SPATA13: variants seen among roughly 807,000 people sequenced by gnomAD.
SPATA13 encodes the protein spermatogenesis associated 13.
Under a neutral mutation model 104.0 loss-of-function variants are expected in SPATA13, and 50 were observed. The observed-to-expected ratio is 0.48, with a 90% CI of 0.38 to 0.61. The LOEUF is 0.61. Among genes scored for constraint, SPATA13 ranks in the 20% least tolerant of loss-of-function variants. SPATA13 has a pLI of 0.00. For missense variants in SPATA13, 1,524 were observed against 1,690.6 expected, an observed-to-expected ratio of 0.90 and a Z score of 1.73; for synonymous variants, 606 against 667.5, an observed-to-expected ratio of 0.91 and a Z score of 1.42.
chr13:24,163,728 T>C (rs1882606273), intron 1 of SPATA13, among the ~76,000 whole-genome samples: 1 of 152,224 alleles, frequency 6.6e-6, no homozygotes, highest in African/African-American at 2.4e-5. Flanking sequence ...TAAAATGGCA[T>C]ATTCAAGGGA....
intron 1 of SPATA13, among the ~76,000 whole-genome samples, chr13:24,176,977 TAA>T: frequency 6.6e-6 from 1 of 152,228 alleles, no homozygotes; most frequent in South Asian, 2.1e-4. Context: ...TTGGCCAGGC[TAA>T]GTCTCAAACT....
At chr13:24,030,070 A>ACGCG (rs1566078628) in intron 3 of SPATA13, among the ~76,000 whole-genome samples, 45 of 84,800 alleles carry the variant, frequency 5.3e-4, no homozygotes, top group African/African-American at 1.7e-3. Flanking sequence ...ACACACGCAC[A>ACGCG]CACACACACA....
intron 3 of SPATA13, among the ~76,000 whole-genome samples, chr13:24,052,791 A>G (rs1179607476): frequency 1.4e-4 from 5 of 36,360 alleles, no homozygotes; most frequent in Admixed American, 7.1e-4. Context: ...GGCAGCCAGC[A>G]GCTCAGGGGC....
intron 2 of SPATA13, among the ~76,000 whole-genome samples, chr13:24,002,955 A>T (rs1266608997): frequency 6.6e-6 from 1 of 151,228 alleles, no homozygotes; most frequent in Non-Finnish European, 1.5e-5. Flanking sequence ...CTTTTTCTGA[A>T]TGTGGGGGGT....
intron 3 of SPATA13, among the ~76,000 whole-genome samples, chr13:24,132,709 C>T (rs1231286638): frequency 6.6e-6 from 1 of 152,124 alleles, no homozygotes; most frequent in Non-Finnish European, 1.5e-5. Flanking sequence ...CATGGTGGCT[C>T]ACATCTGTAA....
At chr13:24,237,423 T>C (rs1251171155) in intron 2 of SPATA13, among the ~76,000 whole-genome samples, 1 of 152,180 alleles carries the variant, frequency 6.6e-6, no homozygotes, top group Non-Finnish European at 1.5e-5. Flanking sequence ...GACATTGTGC[T>C]AAGTGAAATC....
rs560648257 is a variant in SPATA13, at chr13:24,093,123, C to G, written c.-112+75422C>G. ...AATAAACAATCCATCCATTTTCCAC[C>G]TGACCCTAATAAACAGGCCCTATAT... On this transcript the variant is annotated intron_variant, in intron 3 of 14. Coordinates refer to the SPATA13 transcript ENST00000424834. Among the ~76,000 whole-genome samples, 3 of 152,324 alleles carry G rather than the reference C, an allele frequency of 2.0e-5. No homozygotes were observed. In the East Asian group the frequency reaches 5.8e-4, roughly 29 times the overall value.
intron 4 of SPATA13, among the ~76,000 whole-genome samples, chr13:24,282,526 G>A (rs1875619389): frequency 6.6e-6 from 1 of 152,188 alleles, no homozygotes; most frequent in Admixed American, 6.5e-5. Context: ...CTCTGTTGCT[G>A]CAGGCATGAG....
chr13:24,091,572 G>T (rs979621627), intron 3 of SPATA13, among the ~76,000 whole-genome samples: 1 of 152,220 alleles, frequency 6.6e-6, no homozygotes, highest in African/African-American at 2.4e-5. Context: ...CCCTTTGGGA[G>T]GCCAAGGCAG....
At chr13:24,302,459 CAA>C (rs71070678) in intron 12 of SPATA13, 137 bp from the exon 13 acceptor site, 2,592 of 192,580 alleles carry the variant, frequency 0.013, no homozygotes, top group South Asian at 0.024. Context: ...GACCCTGTCT[CAA>C]AAAAAAAAAA....
At chr13:24,122,673 A>G in intron 3 of SPATA13, 1 of 1,058,590 alleles carries the variant, frequency 9.4e-7, no homozygotes, top group Non-Finnish European at 1.5e-6. Context: ...GGTGACAGAC[A>G]GAAGTGTGTC....
chr13:24,006,851 C>T (rs1351638676), intron 2 of SPATA13, among the ~76,000 whole-genome samples: 5 of 152,210 alleles, frequency 3.3e-5, no homozygotes, highest in African/African-American at 1.2e-4. Flanking sequence ...GAAGCCACGT[C>T]GATGGTGTAG....
intron 1 of SPATA13, among the ~76,000 whole-genome samples, chr13:24,202,000 A>G (rs1458490469): frequency 6.6e-6 from 1 of 151,794 alleles, no homozygotes; most frequent in Non-Finnish European, 1.5e-5. Flanking sequence ...TATGCATTTA[A>G]GTTTCCTCTG....
intron 10 of SPATA13, 139 bp from the exon 11 acceptor site, chr13:24,297,224 G>A: frequency 2.0e-6 from 2 of 982,556 alleles, no homozygotes; most frequent in East Asian, 5.2e-5. Context: ...ATTTTATGTG[G>A]AGATGGGGTC....
intron 1 of SPATA13, among the ~76,000 whole-genome samples, chr13:24,206,857 A>G (rs1182959790): frequency 1.1e-4 from 16 of 145,554 alleles, no homozygotes; most frequent in Admixed American, 8.5e-4. Flanking sequence ...GTGCTATTGC[A>G]CTCCAGCCTG....
intron 4 of SPATA13, chr13:24,278,933 C>T (rs1462378049): frequency 1.5e-5 from 8 of 543,770 alleles, no homozygotes; most frequent in African/African-American, 4.8e-5. Context: ...TCCCTCTTTC[C>T]TTCCTTCCTT....
intron 1 of SPATA13, among the ~76,000 whole-genome samples, chr13:24,204,657 AT>A (rs1870603712): frequency 6.6e-6 from 1 of 152,076 alleles, no homozygotes; most frequent in Non-Finnish European, 1.5e-5. Context: ...TTCTCTACAA[AT>A]TTGACTTCTC....
At chr13:24,069,691 A>G (rs751435192) in intron 3 of SPATA13, among the ~76,000 whole-genome samples, 4 of 152,216 alleles carry the variant, frequency 2.6e-5, no homozygotes, top group Non-Finnish European at 4.4e-5. Context: ...GTGCATGCCT[A>G]ACATGCATTA....
intron 3 of SPATA13, among the ~76,000 whole-genome samples, chr13:24,128,457 G>A (rs1881289055): frequency 6.6e-6 from 1 of 152,160 alleles, no homozygotes; most frequent in Admixed American, 6.5e-5. Context: ...GAAGAGAAGG[G>A]TGTTGCTCAG....
Sources: gnomAD v4.1 joint callset for allele counts (sites outside exome capture counted in the v4.1 genomes callset) on GRCh38, gnomAD v4.1.1 for gene constraint, MANE v1.5 for transcripts, NCBI Gene and HGNC (gene_info 2026-07-23, HGNC 2026-07-21) for gene names.